The following IGF1R variants were observed in gnomAD, a reference collection of about 807,000 sequenced individuals.
IGF1R encodes the protein insulin like growth factor 1 receptor.
IGF1R carries 44 observed loss-of-function variants against 144.6 expected under a neutral mutation model. That is an observed-to-expected ratio of 0.30 (90% CI 0.24 to 0.39). The LOEUF is 0.39. Ranked by LOEUF, IGF1R falls within the 10% of genes least tolerant of loss-of-function variation. IGF1R has a pLI of 1.00. For synonymous variants in IGF1R, 795 were observed against 722.8 expected (o/e 1.10, Z -1.60); for missense variants, 1,355 against 1,833.7 (o/e 0.74, Z 4.77).
At chr15:98,918,348 A>T (rs191390177) in intron 10 of IGF1R, among the ~76,000 whole-genome samples, 95 of 151,384 alleles carry the variant, frequency 6.3e-4, no homozygotes, top group Non-Finnish European at 1.0e-3. Context: ...TTCCACAGTG[A>T]CTCTGCTCTT....
intron 2 of IGF1R, among the ~76,000 whole-genome samples, chr15:98,884,698 A>AAG: frequency 6.6e-6 from 1 of 151,578 alleles, no homozygotes; most frequent in Non-Finnish European, 1.5e-5. Flanking sequence ...AAAAAAAAAA[A>AAG]AAAAAAGAAA....
At chr15:98,829,082 T>C (rs2056953869) in intron 2 of IGF1R, among the ~76,000 whole-genome samples, 1 of 152,102 alleles carries the variant, frequency 6.6e-6, no homozygotes, top group South Asian at 2.1e-4. Context: ...TCCTTCCAAA[T>C]AGAAAAACTT....
intron 2 of IGF1R, among the ~76,000 whole-genome samples, chr15:98,712,579 T>C (rs1414698069): frequency 2.0e-5 from 3 of 149,594 alleles, no homozygotes; most frequent in Admixed American, 1.3e-4. Flanking sequence ...GTCCTGTGGC[T>C]CCACCGAGCA....
intron 2 of IGF1R, among the ~76,000 whole-genome samples, chr15:98,799,203 T>C (rs929065381): frequency 5.9e-5 from 9 of 152,166 alleles, no homozygotes; most frequent in African/African-American, 1.9e-4. Flanking sequence ...CATGGTATAA[T>C]TCATGTGCCT....
rs139163109 is a variant in IGF1R, at chr15:98,649,030, C to CAGGAGGAGG, written c.-542_-534dup. 1.9e-4 allele frequency: 39 copies of CAGGAGGAGG among 209,980 alleles called. No individual in the cohort carries two copies. Among genetic ancestry groups the CAGGAGGAGG allele is most frequent in the Middle Eastern group, 1.6e-3 (1 of 618 alleles). 13.0% of individuals were successfully genotyped at this position (209,980 alleles called of 1,614,324 possible). A position where few individuals can be genotyped will look rare whatever the true frequency, so the allele number is the denominator to read the frequency against. ...GGGAGGAGGCGGCGGCGAGCGGAGC[C>CAGGAGGAGG]AGGAGGAGGAGGAGGAGGGGGAGCC... On this transcript the variant is annotated 5_prime_UTR_variant, in exon 1 of 21. Transcript: ENST00000650285.
At chr15:98,956,751 G>GA (rs1290333167) in intron 20 of IGF1R, among the ~76,000 whole-genome samples, 2 of 152,230 alleles carry the variant, frequency 1.3e-5, no homozygotes, top group African/African-American at 2.4e-5. Flanking sequence ...TGCCACCATA[G>GA]ATAACAGCTG....
chr15:98,699,732 A>G (rs2053680159), intron 1 of IGF1R, among the ~76,000 whole-genome samples: 1 of 152,016 alleles, frequency 6.6e-6, no homozygotes, highest in African/African-American at 2.4e-5. Context: ...TGTATGTAGC[A>G]CTCTGGTTTT....
At chr15:98,725,550 C>G (rs1054662181) in intron 2 of IGF1R, among the ~76,000 whole-genome samples, 2 of 152,102 alleles carry the variant, frequency 1.3e-5, no homozygotes, top group African/African-American at 4.8e-5. Context: ...CCCATGCATG[C>G]CGGTCTTTGG....
At chr15:98,747,537 C>T (rs888467240) in intron 2 of IGF1R, among the ~76,000 whole-genome samples, 8 of 152,100 alleles carry the variant, frequency 5.3e-5, no homozygotes, top group Non-Finnish European at 8.8e-5. Flanking sequence ...GGTGCCAAGT[C>T]GATTAATTGA....
At chr15:98,729,363 T>C (rs1400521071) in intron 2 of IGF1R, among the ~76,000 whole-genome samples, 2 of 152,224 alleles carry the variant, frequency 1.3e-5, no homozygotes, top group African/African-American at 4.8e-5. Context: ...GCACTTATTT[T>C]TCATGGAAAG....
intron 1 of IGF1R, among the ~76,000 whole-genome samples, chr15:98,681,919 G>A (rs1350794141): frequency 2.0e-5 from 3 of 152,172 alleles, no homozygotes; most frequent in Admixed American, 2.0e-4. Flanking sequence ...TATGATTTCT[G>A]TTGGGTCATG....
chr15:98,658,712 T>C (rs1000444198), intron 1 of IGF1R, among the ~76,000 whole-genome samples: 2 of 152,182 alleles, frequency 1.3e-5, no homozygotes, highest in Non-Finnish European at 2.9e-5. Context: ...GTTTTTGGGA[T>C]TTCCCTAACT....
At chr15:98,808,475 T>A (rs1036896091) in intron 2 of IGF1R, among the ~76,000 whole-genome samples, 2 of 152,194 alleles carry the variant, frequency 1.3e-5, no homozygotes, top group African/African-American at 4.8e-5. Context: ...TGTGTGTACC[T>A]GTGTCACCAG....
At chr15:98,742,421 T>C (rs1267794001) in intron 2 of IGF1R, among the ~76,000 whole-genome samples, 1 of 152,086 alleles carries the variant, frequency 6.6e-6, no homozygotes, top group Non-Finnish European at 1.5e-5. Context: ...GAGATGCTTG[T>C]GGTGGGGGGC....
chr15:98,806,389 T>G (rs1191487072), intron 2 of IGF1R, among the ~76,000 whole-genome samples: 2 of 152,166 alleles, frequency 1.3e-5, no homozygotes, highest in East Asian at 1.9e-4. Context: ...GGGACAAGTT[T>G]GGGGCCAGCC....
At chr15:98,741,659 G>T (rs185313139) in intron 2 of IGF1R, among the ~76,000 whole-genome samples, 1 of 152,286 alleles carries the variant, frequency 6.6e-6, no homozygotes, top group Admixed American at 6.5e-5. Flanking sequence ...CCGTCCTCCC[G>T]CATTTCTTCT....
chr15:98,749,860 G>A (rs1056707929), intron 2 of IGF1R, among the ~76,000 whole-genome samples: 14 of 145,644 alleles, frequency 9.6e-5, no homozygotes, highest in Admixed American at 4.9e-4. Flanking sequence ...TAATTTTATC[G>A]TTTTAGACTT....
intron 2 of IGF1R, among the ~76,000 whole-genome samples, chr15:98,738,427 T>C (rs1183880795): frequency 1.3e-5 from 2 of 152,122 alleles, no homozygotes; most frequent in African/African-American, 4.8e-5. Context: ...TCCAAGTGCT[T>C]TGAGAGACCG....
intron 2 of IGF1R, among the ~76,000 whole-genome samples, chr15:98,726,712 A>ATTT (rs756622481): frequency 4.9e-3 from 454 of 93,036 alleles, no homozygotes; most frequent in Middle Eastern, 8.5e-3. Context: ...TACATTGATG[A>ATTT]TTTTTTTTTT....
Sources: gnomAD v4.1 joint callset for allele counts (sites outside exome capture counted in the v4.1 genomes callset) on GRCh38, gnomAD v4.1.1 for gene constraint, MANE v1.5 for transcripts, NCBI Gene and HGNC (gene_info 2026-07-23, HGNC 2026-07-21) for gene names.